Variants in ATXN7 observed in about 807,000 individuals in gnomAD.
ATXN7 encodes the protein ataxin-7.
ATXN7 carries 12 observed loss-of-function variants against 70.5 expected under a neutral mutation model. The observed-to-expected ratio is 0.17, with a 90% CI of 0.11 to 0.28. The LOEUF (loss-of-function observed/expected upper bound fraction) is 0.28. ATXN7 is among the 10% of genes least tolerant of loss of function. ATXN7 has a pLI of 1.00. For synonymous variants in ATXN7, 498 were observed against 448.7 expected (o/e 1.11, Z -1.39); for missense variants, 1,256 against 1,131.7 (o/e 1.11, Z -1.58).
intron 4 of ATXN7, among the ~76,000 whole-genome samples, chr3:63,938,722 T>C (rs576224993): frequency 2.0e-4 from 30 of 152,344 alleles, no homozygotes; most frequent in African/African-American, 5.1e-4. Flanking sequence ...TCTGATTGAT[T>C]TGAATTGTTT....
intron 1 of ATXN7, among the ~76,000 whole-genome samples, chr3:63,897,687 G>A (rs1040724775): frequency 2.0e-5 from 3 of 152,120 alleles, no homozygotes; most frequent in Admixed American, 2.0e-4. Context: ...GACAACATCT[G>A]CCCGATAGCT....
intron 1 of ATXN7, among the ~76,000 whole-genome samples, chr3:63,879,924 A>G (rs1702858623): frequency 6.6e-6 from 1 of 151,778 alleles, no homozygotes; most frequent in African/African-American, 2.4e-5. Flanking sequence ...TCTACTAAAA[A>G]AAATACAAAA....
intron 4 of ATXN7, among the ~76,000 whole-genome samples, chr3:63,920,018 C>A (rs1217546605): frequency 6.6e-6 from 1 of 151,986 alleles, no homozygotes; most frequent in African/African-American, 2.4e-5. Context: ...AGCCTTGTTA[C>A]AGGTCTTAGG....
chr3:63,898,071 C>G (rs1480729717), intron 1 of ATXN7, among the ~76,000 whole-genome samples: 2 of 152,134 alleles, frequency 1.3e-5, no homozygotes, highest in Non-Finnish European at 2.9e-5. Flanking sequence ...TAGGAGCAGG[C>G]TTTCTGAATC....
At chr3:63,901,031 A>G (rs1443920775) in intron 2 of ATXN7, 1 of 152,234 alleles carries the variant, frequency 6.6e-6, no homozygotes, top group South Asian at 2.1e-4. Flanking sequence ...TTGGGTGCCA[A>G]CCTATGTGCT....
intron 6 of ATXN7, among the ~76,000 whole-genome samples, chr3:63,981,980 C>T (rs2075494577): frequency 6.6e-6 from 1 of 152,112 alleles, no homozygotes; most frequent in African/African-American, 2.4e-5. Context: ...TTTGATGGTC[C>T]ACTGAGGGTT....
At chr3:63,985,268 A>G (rs565828481) in intron 8 of ATXN7, among the ~76,000 whole-genome samples, 6 of 152,040 alleles carry the variant, frequency 3.9e-5, no homozygotes, top group African/African-American at 9.6e-5. Context: ...TTTTTCTCAC[A>G]TCTTCCTTTT....
chr3:63,990,382 C>A lies in ATXN7; in HGVS notation c.1560+8C>A. The A allele has an allele frequency of 6.2e-7, 1 of 1,614,078 alleles. No homozygotes were observed. The highest frequency in any genetic ancestry group is 8.5e-7 in the Non-Finnish European group (1 of 1,179,986). ...CATCCTCAGCCAGCATCTGTAAGTT[C>A]CACGTCCACCCCCGCGTTGACCCTC... is the stretch of plus-strand genomic sequence containing the variant. On this transcript the variant is annotated splice_region_variant and intron_variant, in intron 10 of 12. Transcript: ENST00000674280.
At chr3:63,926,896 AT>A (rs983829893) in intron 4 of ATXN7, among the ~76,000 whole-genome samples, 3 of 151,732 alleles carry the variant, frequency 2.0e-5, no homozygotes, top group Non-Finnish European at 4.4e-5. Flanking sequence ...ACTCCTACTT[AT>A]GGGTGAGAAC....
intron 8 of ATXN7, 124 bp from the exon 9 acceptor site, chr3:63,987,935 G>T (rs1385490711): frequency 8.4e-7 from 1 of 1,196,322 alleles, no homozygotes; most frequent in East Asian, 2.4e-5. Flanking sequence ...ATCAAATGCT[G>T]AGTAGCCTTT....
Position 63,913,243 on chromosome 3 carries a change from G to C in ATXN7, c.394+18G>C, listed in dbSNP as rs554046116. On this transcript the variant is annotated intron_variant, in intron 4 of 12. Coordinates refer to ENST00000674280, the MANE Select transcript of ATXN7 (RefSeq NM_001377405.1). ...TCGGGAAGGTGAGTCCAGCCCCCCT[G>C]ATGGAGTTTGTACAAACCCCTGGGA... 1.2e-6 allele frequency: 2 copies of C among 1,611,612 alleles called. No homozygotes were observed. The highest frequency in any genetic ancestry group is 1.3e-5 in the African/African-American group (1 of 74,748).
intron 4 of ATXN7, among the ~76,000 whole-genome samples, chr3:63,936,620 A>G (rs2074667559): frequency 6.6e-6 from 1 of 152,156 alleles, no homozygotes. Flanking sequence ...ATAAGTAGAA[A>G]TTTTGTGATT....
chr3:63,910,058 G>A (rs1365074057), intron 2 of ATXN7, among the ~76,000 whole-genome samples: 6 of 152,048 alleles, frequency 3.9e-5, no homozygotes, highest in East Asian at 1.9e-4. Flanking sequence ...TTTTAAGCCC[G>A]CTTGTGTTTT....
chr3:63,982,623 A>T lies in ATXN7; in HGVS notation c.1012+178A>T, dbSNP rs995162603. On this transcript the variant is annotated intron_variant, in intron 7 of 12. Transcript: ENST00000674280. ...TCACTCTTGGGTTTTAAAGAGCATG[A>T]GTGTGTGTGTGTGTGTGTGTGTGTG... is the stretch of plus-strand genomic sequence containing the variant. Among the ~76,000 whole-genome samples, 1 of 143,464 alleles carries T rather than the reference A, an allele frequency of 7.0e-6. No individual in the cohort carries two copies. The highest frequency in any genetic ancestry group is 1.5e-5 in the Non-Finnish European group (1 of 65,834). The allele number at this position is 143,464 out of a possible 152,430, so 94.1% of individuals were successfully genotyped here.
At chr3:63,998,053 G>GCACC in intron 12 of ATXN7, 1 of 985,310 alleles carries the variant, frequency 1.0e-6, no homozygotes, top group Non-Finnish European at 1.2e-6. Flanking sequence ...ATTCTTCAAC[G>GCACC]CACCGTCTTT....
rs764496435 is a variant in ATXN7, at chr3:63,988,199, G to A, written c.1236G>A (p.Arg412=). 6.2e-7 allele frequency: 1 copy of A among 1,613,970 alleles called. No homozygotes were observed. The highest frequency in any genetic ancestry group is 1.7e-5 in the Admixed American group (1 of 59,986). ...CTCAGCAACCACCGCAGCCTCTCAG[G>A]GACCCGCATCCCGCCCCTCCTAGAA... The part of the protein sequence containing the change: ...PDSQQPPQPL[R]DPHPAPPRTS... The change falls in exon 9 of 13, where the codon AGG becomes AGA. Residue 412 remains arginine, a synonymous_variant. Transcript: ENST00000674280.
chr3:63,880,121 A>G (rs1702866962), intron 1 of ATXN7, among the ~76,000 whole-genome samples: 1 of 152,110 alleles, frequency 6.6e-6, no homozygotes, highest in South Asian at 2.1e-4. Flanking sequence ...TAGCTTATCA[A>G]AAGAGAGTCT....
chr3:63,902,939 T>C (rs76168126), intron 2 of ATXN7, among the ~76,000 whole-genome samples: 3,723 of 152,220 alleles, frequency 0.024, 146 homozygotes, highest in African/African-American at 0.083. Flanking sequence ...TATATAAATA[T>C]ATATGCTAAT....
At position 63,912,680 on chromosome 3, in the gene ATXN7, GCCC is replaced by G; in HGVS notation, c.83_85del (p.Ala28_Arg29delinsGly). ...GGCGGGCGGAGCAGCGGCCGCGGCC[GCCC>G]GGCAGCAGCAGCAGCAGCAGCAGCA... On this transcript the variant is annotated inframe_deletion, in exon 3 of 13. Transcript: ENST00000674280. The G allele has an allele frequency of 1.0e-6, 1 of 999,130 alleles. No individual in the cohort carries two copies. The highest frequency in any genetic ancestry group is 1.8e-5 in the African/African-American group (1 of 54,544). The allele number at this position is 999,130 out of a possible 1,614,324, so 61.9% of individuals were successfully genotyped here. A position where few individuals can be genotyped will look rare whatever the true frequency, so the allele number is the denominator to read the frequency against.
Sources: gnomAD v4.1 joint callset for allele counts (sites outside exome capture counted in the v4.1 genomes callset) on GRCh38, gnomAD v4.1.1 for gene constraint, MANE v1.5 for transcripts, NCBI Gene and HGNC (gene_info 2026-07-23, HGNC 2026-07-21) for gene names.